Variants in PARVB observed in about 807,000 individuals in gnomAD.
The protein encoded by PARVB is beta-parvin.
PARVB carries 46 observed loss-of-function variants against 47.0 expected under a neutral mutation model. The ratio of observed to expected loss-of-function variants is 0.98; its 90% confidence interval spans 0.77 to 1.25. PARVB has a LOEUF of 1.25. PARVB is among the 50% of genes most tolerant of loss of function. The pLI, the probability that PARVB is intolerant of heterozygous loss-of-function variation, is 0.00. For synonymous variants in PARVB, 196 were observed against 196.3 expected, an observed-to-expected ratio of 1.00 and a Z score of 0.01; for missense variants, 473 against 471.6, an observed-to-expected ratio of 1.00 and a Z score of -0.03.
intron 1 of PARVB, among the ~76,000 whole-genome samples, chr22:44,091,682 C>T (rs973327609): frequency 5.9e-5 from 9 of 152,164 alleles, no homozygotes; most frequent in African/African-American, 1.2e-4. Flanking sequence ...GATAATATTC[C>T]GTTGTATACG....
chr22:44,151,056 A>AAT (rs1448934723), intron 9 of PARVB: 1 of 152,764 alleles, frequency 6.5e-6, no homozygotes, highest in African/African-American at 2.5e-5. Context: ...AAAAAAAAAA[A>AAT]ATTCAGTAGG....
In PARVB at chr22:44,122,562, CAGAGAGAGAGAG is replaced by C. The variant is rs55865160; in HGVS notation, c.376+3459_376+3470del. ...AGAGAGAGAGAGAGAGACACAGAGA[CAGAGAGAGAGAG>C]AGAGAGAGAGAGAGAGAGAGAGAGA... On this transcript the variant is annotated intron_variant, in intron 4 of 12. Coordinates refer to ENST00000338758, the MANE Select transcript of PARVB (RefSeq NM_013327.5). Among the ~76,000 whole-genome samples the C allele has an allele frequency of 6.9e-3, 545 of 78,790 alleles. 5 individuals carry two copies. Among genetic ancestry groups the C allele is most frequent in the South Asian group, 0.023 (47 of 2,060 alleles). 51.7% of individuals were successfully genotyped at this position (78,790 alleles called of 152,430 possible). A position where few individuals can be genotyped will look rare whatever the true frequency, so the allele number is the denominator to read the frequency against.
chr22:44,115,960 A>ACAGATACG (rs1569128640), intron 3 of PARVB: 1 of 126,042 alleles, frequency 7.9e-6, no homozygotes, highest in East Asian at 2.4e-4. Context: ...ACACAGATAC[A>ACAGATACG]TTGTTACTAA....
At chr22:44,069,627 C>G (rs1043828563) in intron 1 of PARVB, among the ~76,000 whole-genome samples, 1 of 152,106 alleles carries the variant, frequency 6.6e-6, no homozygotes, top group African/African-American at 2.4e-5. Context: ...CTCCCAGGTT[C>G]AAGTGATCCT....
At chr22:44,038,319 T>G (rs1016094210) in intron 1 of PARVB, among the ~76,000 whole-genome samples, 4 of 152,218 alleles carry the variant, frequency 2.6e-5, no homozygotes, top group African/African-American at 9.6e-5. Context: ...TGACTGCTCT[T>G]GAGGCCAGAC....
intron 12 of PARVB, among the ~76,000 whole-genome samples, chr22:44,167,549 G>T (rs957896811): frequency 2.4e-4 from 37 of 152,202 alleles, no homozygotes; most frequent in African/African-American, 8.7e-4. Context: ...ACCCCTGGGA[G>T]CTCCTCTGTC....
intron 2 of PARVB, among the ~76,000 whole-genome samples, chr22:44,000,392 A>T (rs1254122180): frequency 6.6e-6 from 1 of 152,252 alleles, no homozygotes; most frequent in Non-Finnish European, 1.5e-5. Context: ...ATACTGGGCC[A>T]CTGTGAATAT....
chr22:44,004,280 C>T (rs1291575501), intron 2 of PARVB, among the ~76,000 whole-genome samples: 1 of 152,194 alleles, frequency 6.6e-6, no homozygotes, highest in Non-Finnish European at 1.5e-5. Context: ...CGCGCGAAGT[C>T]AGTGAGGACC....
intron 1 of PARVB, among the ~76,000 whole-genome samples, chr22:44,076,150 C>T (rs945334737): frequency 1.3e-5 from 2 of 152,228 alleles, no homozygotes; most frequent in Non-Finnish European, 2.9e-5. Context: ...CAATGCTAGG[C>T]CTGTTGTGAG....
In PARVB at chr22:44,140,109, T is replaced by C; in HGVS notation, c.693-15T>C. 2 of 1,614,038 alleles carry C rather than the reference T, an allele frequency of 1.2e-6. No homozygotes were observed. Among genetic ancestry groups the C allele is most frequent in the Non-Finnish European group, 1.7e-6 (2 of 1,179,922 alleles). Reference sequence around the variant, plus strand: ...GTGACCCATCTCATGGCTCTCTCTGTGTTCTTGTTTGCAGGATGATGATGG... The same window carrying C: ...GTGACCCATCTCATGGCTCTCTCTGCGTTCTTGTTTGCAGGATGATGATGG... On this transcript the variant is annotated splice_polypyrimidine_tract_variant and intron_variant, in intron 7 of 12. Transcript: ENST00000338758.
intron 2 of PARVB, among the ~76,000 whole-genome samples, chr22:44,017,285 A>T (rs1281881741): frequency 6.6e-6 from 1 of 152,250 alleles, no homozygotes; most frequent in Non-Finnish European, 1.5e-5. Context: ...AGGTGCAAGG[A>T]AAATTGAGTG....
At chr22:44,001,786 A>G (rs2050415317) in intron 2 of PARVB, among the ~76,000 whole-genome samples, 1 of 152,154 alleles carries the variant, frequency 6.6e-6, no homozygotes, top group Non-Finnish European at 1.5e-5. Flanking sequence ...CTGAATCACC[A>G]TAGTTTGTTA....
At chr22:44,086,270 C>G (rs938361023) in intron 1 of PARVB, among the ~76,000 whole-genome samples, 3 of 152,220 alleles carry the variant, frequency 2.0e-5, no homozygotes, top group African/African-American at 7.2e-5. Flanking sequence ...CCACTTGAAA[C>G]GTCAAGAAGC....
At chr22:44,102,588 A>G (rs11912340) in intron 3 of PARVB, among the ~76,000 whole-genome samples, 40,640 of 151,908 alleles carry the variant, frequency 0.27, 7,370 homozygotes, top group African/African-American at 0.51. Flanking sequence ...CTGAAATCCC[A>G]GCGCCCTGGG....
intron 3 of PARVB, chr22:44,109,920 C>A (rs1435568058): frequency 6.6e-6 from 1 of 151,000 alleles, no homozygotes; most frequent in South Asian, 2.1e-4. Flanking sequence ...GAGACCATCC[C>A]GGCTAAAACG....
At chr22:44,156,082 AGAGGTTGCTGTGAGCC>A (rs1569160077) in intron 10 of PARVB, among the ~76,000 whole-genome samples, 3 of 151,890 alleles carry the variant, frequency 2.0e-5, no homozygotes, top group East Asian at 3.9e-4. Context: ...CCCAGGAGGC[AGAGGTTGCTGTGAGCC>A]GAGGTTGCAG....
intron 1 of PARVB, among the ~76,000 whole-genome samples, chr22:44,030,946 G>A (rs1949370544): frequency 6.6e-6 from 1 of 152,128 alleles, no homozygotes; most frequent in African/African-American, 2.4e-5. Flanking sequence ...GTCCGAAGTT[G>A]GGGGATATAG....
At chr22:44,147,462 G>A (rs558752185) in intron 8 of PARVB, 7 of 359,164 alleles carry the variant, frequency 1.9e-5, no homozygotes, top group African/African-American at 1.5e-4. Context: ...CGTCGCGGGG[G>A]AAGTGGTTGG....
chr22:44,057,245 G>T (rs1165003778), intron 1 of PARVB, among the ~76,000 whole-genome samples: 1 of 152,106 alleles, frequency 6.6e-6, no homozygotes, highest in Admixed American at 6.6e-5. Flanking sequence ...AAAATGTGAT[G>T]TACCAAGCAT....
Sources: gnomAD v4.1 joint callset for allele counts (sites outside exome capture counted in the v4.1 genomes callset) on GRCh38, gnomAD v4.1.1 for gene constraint, MANE v1.5 for transcripts, NCBI Gene and HGNC (gene_info 2026-07-23, HGNC 2026-07-21) for gene names.